The following HEATR6 variants were observed in gnomAD, a reference collection of about 807,000 sequenced individuals.
The protein encoded by HEATR6 is HEAT repeat-containing protein 6.
Under a neutral mutation model 132.8 loss-of-function variants are expected in HEATR6, and 106 were observed. That is an observed-to-expected ratio of 0.80 (90% CI 0.68 to 0.94). The LOEUF (loss-of-function observed/expected upper bound fraction) is 0.94, where lower values mean the gene tolerates loss of function less well. HEATR6 is among the 40% of genes least tolerant of loss of function. HEATR6 has a pLI of 0.00. For synonymous variants in HEATR6, 529 were observed against 537.8 expected (o/e 0.98, Z 0.23); for missense variants, 1,339 against 1,425.1 (o/e 0.94, Z 0.97).
At chr17:60,070,623 A>G in intron 6 of HEATR6, 83 bp downstream of exon 6, 1 of 645,942 alleles carries the variant, frequency 1.5e-6, no homozygotes, top group Non-Finnish European at 2.7e-6. Context: ...CCTCAAAGTT[A>G]GCCTTAGAAT....
chr17:60,057,196 G>A lies in HEATR6; in HGVS notation c.1931C>T (p.Pro644Leu), dbSNP rs1244963913. The change falls in exon 12 of 20, where the codon CCT becomes CTT. Residue 644 changes from proline (P) to leucine (L), a missense_variant. Transcript: ENST00000184956. Reference protein sequence around the residue: ...PSLEETSVSSPKGSSEPCWLI... With the variant: ...PSLEETSVSSLKGSSEPCWLI... ...CCAGCAGGGCTCTGAAGACCCCTTA[G>A]GTGAGCTAACTGACGTTTCTTCCAG... 4.3e-6 allele frequency: 7 copies of A among 1,614,064 alleles called. No individual in the cohort carries two copies. The highest frequency in any genetic ancestry group is 2.2e-5 in the East Asian group (1 of 44,894).
intron 2 of HEATR6, chr17:60,075,730 G>A (rs1323119405): frequency 6.6e-6 from 1 of 152,134 alleles, no homozygotes; most frequent in Admixed American, 6.5e-5. Flanking sequence ...TGTAGTCCCA[G>A]CTACTTGGGA....
chr17:60,052,052 G>A (rs1474344724), intron 14 of HEATR6, among the ~76,000 whole-genome samples: 1 of 152,208 alleles, frequency 6.6e-6, no homozygotes, highest in Non-Finnish European at 1.5e-5. Flanking sequence ...TCTTTCCCTT[G>A]GATCACTTGC....
rs756796638 is a variant in HEATR6 at position 60,057,157 on chromosome 17, CAG to C, written c.1968_1969del (p.Cys657HisfsTer15). ...CTTGGGCAGTACGACAATGGAAATG[CAG>C]AGTCGAATGAGCCAGCAGGGCTCTG... is the stretch of plus-strand genomic sequence containing the variant. On this transcript the variant is annotated frameshift_variant, in exon 12 of 20. Coordinates refer to ENST00000184956, the MANE Select transcript of HEATR6 (RefSeq NM_022070.5). The C allele has an allele frequency of 1.3e-5, 21 of 1,614,060 alleles. No individual in the cohort carries two copies. The highest frequency in any genetic ancestry group is 2.7e-5 in the African/African-American group (2 of 74,920).
intron 7 of HEATR6, among the ~76,000 whole-genome samples, chr17:60,068,412 C>T (rs1396853296): frequency 6.6e-6 from 1 of 151,716 alleles, no homozygotes; most frequent in Non-Finnish European, 1.5e-5. Context: ...GTTCCCATTA[C>T]TTCTATCTTG....
Position 60,073,814 on chromosome 17 carries a change from A to G in HEATR6, c.400T>C (p.Trp134Arg). ...GCTTGAAGAATTTCCCTGTGTGTCCAGGAACTACACTGATGAATAGCCGAA... is the reference window on the plus strand; with the variant it reads ...GCTTGAAGAATTTCCCTGTGTGTCCGGGAACTACACTGATGAATAGCCGAA... The part of the protein sequence containing the change: ...TISAIHQCSS[W>R]THREILQALA... The change falls in exon 3 of 20, where the codon TGG (tryptophan) becomes CGG (arginine). Residue 134 changes from tryptophan to arginine, a missense_variant. Coordinates refer to ENST00000184956, the MANE Select transcript of HEATR6 (RefSeq NM_022070.5). The G allele has an allele frequency of 1.2e-6, 2 of 1,614,028 alleles. No homozygotes were observed. The highest frequency in any genetic ancestry group is 1.7e-6 in the Non-Finnish European group (2 of 1,179,850).
intron 1 of HEATR6, among the ~76,000 whole-genome samples, chr17:60,076,944 T>TAAAAAA (rs61125649): frequency 8.2e-6 from 1 of 122,334 alleles, no homozygotes; most frequent in African/African-American, 2.9e-5. Context: ...AGGGAATTCT[T>TAAAAAA]AAAAAAAAAA....
intron 16 of HEATR6, among the ~76,000 whole-genome samples, chr17:60,049,008 A>AACG (rs1906485958): frequency 7.2e-6 from 1 of 139,160 alleles, no homozygotes; most frequent in African/African-American, 2.7e-5. Flanking sequence ...ATATATATAT[A>AACG]TATATATATA....
chr17:60,059,927 G>A lies in HEATR6; in HGVS notation c.1586C>T (p.Ala529Val), dbSNP rs752315194. 9.3e-6 allele frequency: 15 copies of A among 1,613,498 alleles called. No individual in the cohort carries two copies. Among genetic ancestry groups the A allele is most frequent in the Non-Finnish European group, 1.1e-5 (13 of 1,179,718 alleles). ...LHRCLLLALV[A>V]ESSSQTVTQI... is the part of the protein sequence containing the mutation. Reference sequence around the variant, plus strand: ...AGTAACGGTCTGTGAGGATGACTCCGCCACCAAAGCTAACAAAAGACATCT... The same window carrying A: ...AGTAACGGTCTGTGAGGATGACTCCACCACCAAAGCTAACAAAAGACATCT... The change falls in exon 10 of 20, where the codon GCG (alanine) becomes GTG (valine). Residue 529 changes from alanine (A) to valine (V), a missense_variant. Physicochemically the swap from Ala to Val is moderately conservative, Grantham distance 64 (BLOSUM62 0). Transcript: ENST00000184956.
chr17:60,059,822 G>A, intron 10 of HEATR6, 68 bp downstream of exon 10: 1 of 1,126,734 alleles, frequency 8.9e-7, no homozygotes, highest in Non-Finnish European at 1.3e-6. Context: ...TTACTTTTGA[G>A]CTATGTAAAA....
At chr17:60,045,639 A>G (rs908773447) in intron 19 of HEATR6, among the ~76,000 whole-genome samples, 2 of 152,212 alleles carry the variant, frequency 1.3e-5, no homozygotes, top group African/African-American at 2.4e-5. Flanking sequence ...AACTGAGAAA[A>G]TGAAAACAGA....
At chr17:60,073,115 T>C (rs373635861) in intron 4 of HEATR6, 49 bp downstream of exon 4, 12 of 1,090,080 alleles carry the variant, frequency 1.1e-5, no homozygotes, top group African/African-American at 3.1e-5. Flanking sequence ...AAGGGCCCAA[T>C]AGAGGCACTA....
At chr17:60,077,429 T>C (rs1298262720) in intron 1 of HEATR6, among the ~76,000 whole-genome samples, 2 of 152,206 alleles carry the variant, frequency 1.3e-5, no homozygotes, top group Non-Finnish European at 2.9e-5. Flanking sequence ...GAAGTTTTGT[T>C]GCAAAAGTAT....
At chr17:60,045,787 T>A (rs1906344856) in intron 19 of HEATR6, among the ~76,000 whole-genome samples, 1 of 152,222 alleles carries the variant, frequency 6.6e-6, no homozygotes, top group East Asian at 1.9e-4. Flanking sequence ...ATCAGAAGTA[T>A]TTTTCCAGAT....
intron 9 of HEATR6, chr17:60,064,070 G>C (rs1272816970): frequency 6.6e-6 from 1 of 152,140 alleles, no homozygotes; most frequent in Non-Finnish European, 1.5e-5. Context: ...AGCACTTTGG[G>C]AGGCCAAGGC....
In HEATR6 at chr17:60,076,180, G is replaced by C. The variant is rs2083295508; in HGVS notation, c.277C>G (p.Leu93Val). ...CRLVPLNQNH[L>V]VSKVSQLIHH... ...ATAAGCTGGCTCACTTTGCTGACAA[G>C]ATGATTCTGATTAAGAGGTACCAGT... The change falls in exon 2 of 20, where the codon CTT becomes GTT. Residue 93 changes from leucine (L) to valine (V), a missense_variant. By Grantham distance (32) the Leu-to-Val change is conservative (BLOSUM62 1). Coordinates refer to ENST00000184956, the MANE Select transcript of HEATR6 (RefSeq NM_022070.5). 6.2e-7 allele frequency: 1 copy of C among 1,611,978 alleles called. No individual in the cohort carries two copies. Among genetic ancestry groups the C allele is most frequent in the African/African-American group, 1.3e-5 (1 of 74,872 alleles).
rs1906250995 is a variant in HEATR6 at position 60,043,438 on chromosome 17, T to C, written c.*125A>G. 1 of 850,896 alleles carries C rather than the reference T, an allele frequency of 1.2e-6. No homozygotes were observed. Among genetic ancestry groups the C allele is most frequent in the Non-Finnish European group, 1.9e-6 (1 of 537,578 alleles). 52.7% of individuals were successfully genotyped at this position (850,896 alleles called of 1,614,324 possible). A position where few individuals can be genotyped will look rare whatever the true frequency, so the allele number is the denominator to read the frequency against. Reference sequence around the variant, plus strand: ...CCTCTGTGAAAATTTAAATGGCTGCTAAGTCATTCTAAATAAATAGTGAAC... The same window carrying C: ...CCTCTGTGAAAATTTAAATGGCTGCCAAGTCATTCTAAATAAATAGTGAAC... On this transcript the variant is annotated 3_prime_UTR_variant, in exon 20 of 20. Coordinates refer to ENST00000184956, the MANE Select transcript of HEATR6 (RefSeq NM_022070.5).
intron 17 of HEATR6, among the ~76,000 whole-genome samples, chr17:60,047,944 T>C (rs536637973): frequency 6.6e-6 from 1 of 152,314 alleles, no homozygotes; most frequent in Admixed American, 6.5e-5. Flanking sequence ...TATACTACTT[T>C]AAGAAATTTT....
chr17:60,070,904 C>CA, intron 5 of HEATR6, 97 bp from the exon 6 acceptor site: 1 of 693,930 alleles, frequency 1.4e-6, no homozygotes, highest in African/African-American at 1.8e-5. Flanking sequence ...GAGAGACAGT[C>CA]TCTAGATGAT....
Sources: gnomAD v4.1 joint callset for allele counts (sites outside exome capture counted in the v4.1 genomes callset) on GRCh38, gnomAD v4.1.1 for gene constraint, MANE v1.5 for transcripts, NCBI Gene and HGNC (gene_info 2026-07-23, HGNC 2026-07-21) for gene names.